The following DACH2 variants were observed in gnomAD, a reference collection of about 807,000 sequenced individuals.
DACH2 encodes dachshund family transcription factor 2.
A neutral mutation model predicts 35.8 loss-of-function variants in DACH2; 17 were observed. The observed-to-expected ratio is 0.48, with a 90% CI of 0.33 to 0.71. The LOEUF (loss-of-function observed/expected upper bound fraction) is 0.71, where lower values mean the gene tolerates loss of function less well. DACH2 is among the 30% of genes least tolerant of loss of function. The pLI is 0.02. For synonymous variants in DACH2, 195 were observed against 177.3 expected (o/e 1.10, Z -0.79); for missense variants, 469 against 472.7 (o/e 0.99, Z 0.07).
intron 1 of DACH2, among the ~76,000 whole-genome samples, chrX:86,367,854 A>G (rs1248763418): frequency 8.9e-6 from 1 of 111,832 alleles, no homozygotes; most frequent in Non-Finnish European, 1.9e-5. Context: ...CTTAGTTTCC[A>G]TAAGTCAGGC....
intron 1 of DACH2, among the ~76,000 whole-genome samples, chrX:86,310,602 G>T (rs1419477357): frequency 8.9e-6 from 1 of 112,047 alleles, no homozygotes; most frequent in Non-Finnish European, 1.9e-5. Flanking sequence ...GCACCTGGTT[G>T]TGCACTTTGC....
intron 2 of DACH2, among the ~76,000 whole-genome samples, chrX:86,397,497 T>C (rs181954302): frequency 4.7e-4 from 53 of 111,700 alleles, no homozygotes; most frequent in Middle Eastern, 9.2e-3. Flanking sequence ...TTCCAGTTTT[T>C]GTCCATTCAG....
intron 6 of DACH2, among the ~76,000 whole-genome samples, chrX:86,735,933 G>A (rs1252243072): frequency 1.8e-5 from 2 of 111,377 alleles, no homozygotes; most frequent in Non-Finnish European, 3.8e-5. Flanking sequence ...TATCACTTGT[G>A]TTCTCATTTG....
chrX:86,612,798 G>T (rs977723793), intron 3 of DACH2, among the ~76,000 whole-genome samples: 1 of 112,530 alleles, frequency 8.9e-6, no homozygotes, highest in Non-Finnish European at 1.9e-5. Context: ...ATTCTTATGA[G>T]TGTACTTTTT....
At chrX:86,765,697 G>GTTTTTTTTTTTTTTTTTT (rs2041925172) in intron 7 of DACH2, among the ~76,000 whole-genome samples, 1 of 35,233 alleles carries the variant, frequency 2.8e-5, no homozygotes, top group African/African-American at 1.1e-4. Context: ...GTTGTTTTTT[G>GTTTTTTTTTTTTTTTTTT]GTTTTTTTTT....
At chrX:86,614,291 A>G (rs1016008794) in intron 3 of DACH2, among the ~76,000 whole-genome samples, 108 of 111,739 alleles carry the variant, frequency 9.7e-4, no homozygotes, top group African/African-American at 3.4e-3. Context: ...GCCTCCAAAA[A>G]GCAAGCTTGT....
In DACH2 at chrX:86,285,170, ATTTCATTTATT is replaced by A. The variant is rs1453305966; in HGVS notation, c.489-91650_489-91640del. On this transcript the variant is annotated intron_variant, in intron 1 of 11. Coordinates refer to ENST00000373125, the MANE Select transcript of DACH2 (RefSeq NM_053281.3). ...CGTTTTTTGCATTATTTTTGTTTCA[ATTTCATTTATT>A]TTTGTTCTCATGGTTATTTCTTTTT... Among the ~76,000 whole-genome samples, 3 of 110,124 alleles carry A rather than the reference ATTTCATTTATT, an allele frequency of 2.7e-5. No homozygotes were observed. In the East Asian group the frequency reaches 8.6e-4, roughly 31 times the overall value.
chrX:86,401,445 A>G (rs2036428408), intron 2 of DACH2, among the ~76,000 whole-genome samples: 1 of 112,141 alleles, frequency 8.9e-6, no homozygotes, highest in Non-Finnish European at 1.9e-5. Context: ...TTGGAAATGC[A>G]GAAATCACCC....
intron 2 of DACH2, among the ~76,000 whole-genome samples, chrX:86,472,887 G>C (rs2086463518): frequency 8.9e-6 from 1 of 111,743 alleles, no homozygotes; most frequent in East Asian, 2.8e-4. Context: ...TAACCCATGA[G>C]AGATTCTTTT....
intron 2 of DACH2, among the ~76,000 whole-genome samples, chrX:86,508,992 A>G (rs2038361856): frequency 8.9e-6 from 1 of 111,745 alleles, no homozygotes; most frequent in South Asian, 3.7e-4. Flanking sequence ...TATTATAATT[A>G]TAAGATTAAT....
chrX:86,263,608 T>A (rs1235953330), intron 1 of DACH2, among the ~76,000 whole-genome samples: 1 of 112,070 alleles, frequency 8.9e-6, no homozygotes, highest in Non-Finnish European at 1.9e-5. Flanking sequence ...AGAGAAACCC[T>A]TTTTGTGACA....
intron 2 of DACH2, among the ~76,000 whole-genome samples, chrX:86,410,482 A>C (rs2036592398): frequency 8.9e-6 from 1 of 111,781 alleles, no homozygotes; most frequent in Non-Finnish European, 1.9e-5. Context: ...AGCTGTTCCT[A>C]GTTGGAACTA....
intron 2 of DACH2, among the ~76,000 whole-genome samples, chrX:86,413,247 G>C (rs1369699036): frequency 2.7e-5 from 3 of 112,013 alleles, no homozygotes; most frequent in African/African-American, 9.7e-5. Flanking sequence ...TTTTGCAGAA[G>C]GAAAAAGCAA....
intron 5 of DACH2, among the ~76,000 whole-genome samples, chrX:86,702,573 T>C (rs1457631462): frequency 1.8e-5 from 2 of 111,453 alleles, no homozygotes; most frequent in Non-Finnish European, 3.8e-5. Context: ...ATAAGCTCAA[T>C]TAGAAATAAA....
At chrX:86,400,285 GT>G (rs199563387) in intron 2 of DACH2, among the ~76,000 whole-genome samples, 1 of 109,142 alleles carries the variant, frequency 9.2e-6, no homozygotes, top group Non-Finnish European at 1.9e-5. Flanking sequence ...CATTCGTCTA[GT>G]TTTTTTTTCA....
At chrX:86,399,041 A>G (rs1003309817) in intron 2 of DACH2, among the ~76,000 whole-genome samples, 16 of 111,598 alleles carry the variant, frequency 1.4e-4, no homozygotes, top group Non-Finnish European at 2.4e-4. Flanking sequence ...TAGGTCACTA[A>G]GGACTTGCTT....
At chrX:86,454,199 G>A (rs992970282) in intron 2 of DACH2, among the ~76,000 whole-genome samples, 7 of 111,389 alleles carry the variant, frequency 6.3e-5, no homozygotes, top group Admixed American at 2.9e-4. Flanking sequence ...CTCCCTGGCT[G>A]TCATTAACAC....
intron 7 of DACH2, among the ~76,000 whole-genome samples, chrX:86,807,567 C>T (rs143857403): frequency 0.041 from 4,602 of 111,434 alleles, 233 homozygotes; most frequent in African/African-American, 0.14. Context: ...ATTTACTATT[C>T]GCATATTTTT....
intron 3 of DACH2, among the ~76,000 whole-genome samples, chrX:86,522,853 C>A (rs1162455244): frequency 9.0e-6 from 1 of 111,593 alleles, no homozygotes; most frequent in Non-Finnish European, 1.9e-5. Context: ...ATACATCCTT[C>A]TCTGTATCTC....
Sources: gnomAD v4.1 joint callset for allele counts (sites outside exome capture counted in the v4.1 genomes callset) on GRCh38, gnomAD v4.1.1 for gene constraint, MANE v1.5 for transcripts, NCBI Gene and HGNC (gene_info 2026-07-23, HGNC 2026-07-21) for gene names.